The following RGL1 variants were observed in gnomAD, a reference collection of about 807,000 sequenced individuals.
RGL1 encodes the protein ral guanine nucleotide dissociation stimulator like 1.
RGL1 carries 24 observed loss-of-function variants against 95.2 expected under a neutral mutation model. The observed-to-expected ratio is 0.25, with a 90% confidence interval of 0.18 to 0.35. RGL1 has a LOEUF of 0.35. RGL1 is among the 10% of genes least tolerant of loss of function. The probability of loss-of-function intolerance (pLI) is 1.00; values close to 1 mark genes in which losing one functional copy is unlikely to be tolerated. For missense variants in RGL1, 715 were observed against 936.3 expected (o/e 0.76, Z 3.08); for synonymous variants, 329 against 344.9 (o/e 0.95, Z 0.51).
At chr1:183,824,366 T>C (rs1662708838) in intron 2 of RGL1, among the ~76,000 whole-genome samples, 1 of 152,198 alleles carries the variant, frequency 6.6e-6, no homozygotes, top group African/African-American at 2.4e-5. Context: ...CTTGAAGGGC[T>C]AAGTGCTTTC....
chr1:183,720,466 C>A (rs1032081384), intron 1 of RGL1, among the ~76,000 whole-genome samples: 1 of 152,192 alleles, frequency 6.6e-6, no homozygotes, highest in Non-Finnish European at 1.5e-5. Flanking sequence ...GTATATGCAA[C>A]CTATAAGAAC....
chr1:183,744,684 T>C (rs962237871), intron 2 of RGL1, among the ~76,000 whole-genome samples: 1 of 152,222 alleles, frequency 6.6e-6, no homozygotes, highest in African/African-American at 2.4e-5. Context: ...GTACATCTAC[T>C]TCTACAGCTT....
intron 1 of RGL1, among the ~76,000 whole-genome samples, chr1:183,734,694 C>A (rs1327621137): frequency 6.6e-6 from 1 of 152,200 alleles, no homozygotes; most frequent in East Asian, 1.9e-4. Flanking sequence ...GAGCCTGGGA[C>A]AGTCATGTGA....
chr1:183,854,491 A>G (rs1665017545), intron 3 of RGL1, among the ~76,000 whole-genome samples: 1 of 152,168 alleles, frequency 6.6e-6, no homozygotes, highest in South Asian at 2.1e-4. Flanking sequence ...TAACCAGCAA[A>G]ACGGAGCTGC....
chr1:183,813,195 C>T (rs141818419), intron 2 of RGL1, among the ~76,000 whole-genome samples: 27 of 152,106 alleles, frequency 1.8e-4, no homozygotes, highest in Admixed American at 9.8e-4. Context: ...TGAGTGTAGG[C>T]GGGGCACAGG....
intron 1 of RGL1, among the ~76,000 whole-genome samples, chr1:183,674,021 T>C (rs1018958481): frequency 6.6e-5 from 10 of 152,202 alleles, no homozygotes; most frequent in Non-Finnish European, 1.3e-4. Context: ...TTTTCTTGTG[T>C]TTCCAAGTCT....
At chr1:183,820,986 AGCTGG>A (rs1662445191) in intron 2 of RGL1, among the ~76,000 whole-genome samples, 1 of 151,956 alleles carries the variant, frequency 6.6e-6, no homozygotes, top group African/African-American at 2.4e-5. Flanking sequence ...TACAAAAATT[AGCTGG>A]GCGTGGTGGT....
intron 3 of RGL1, among the ~76,000 whole-genome samples, chr1:183,861,474 C>G (rs1036054931): frequency 2.6e-5 from 4 of 152,216 alleles, no homozygotes; most frequent in Admixed American, 6.5e-5. Flanking sequence ...ATAACTGTTT[C>G]TGTTTAAATA....
Position 183,752,889 on chromosome 1 carries a change from A to T in RGL1, c.132+10600A>T, listed in dbSNP as rs80323397. Among the ~76,000 whole-genome samples, 444 of 152,180 alleles carry T rather than the reference A, an allele frequency of 2.9e-3. 4 individuals are homozygous for T. Among genetic ancestry groups the T allele is most frequent in the African/African-American group, 0.01 (427 of 41,542 alleles). ...TAACTTGTATTATTTTGAATGTAAC[A>T]TCTTTTCTCTATAACTGTTTAGATC... On this transcript the variant is annotated intron_variant, in intron 2 of 18. Transcript: ENST00000304685.
At chr1:183,860,715 C>CT (rs1218887824) in intron 3 of RGL1, among the ~76,000 whole-genome samples, 1 of 152,212 alleles carries the variant, frequency 6.6e-6, no homozygotes, top group African/African-American at 2.4e-5. Flanking sequence ...CTCCATTGCA[C>CT]TTTTCACTCT....
At chr1:183,648,600 G>A (rs759685764) in intron 1 of RGL1, 2 of 1,614,182 alleles carry the variant, frequency 1.2e-6, no homozygotes, top group Non-Finnish European at 1.7e-6. Flanking sequence ...TTTTGTTTGA[G>A]GAAATGTTGT....
chr1:183,889,465 G>A (rs1328091059), intron 8 of RGL1, among the ~76,000 whole-genome samples: 2 of 152,178 alleles, frequency 1.3e-5, no homozygotes, highest in Non-Finnish European at 2.9e-5. Flanking sequence ...TGGCTTCCCA[G>A]CCAGGCTGCC....
intron 4 of RGL1, among the ~76,000 whole-genome samples, chr1:183,873,577 C>T (rs548699307): frequency 2.6e-5 from 4 of 152,186 alleles, no homozygotes; most frequent in East Asian, 3.9e-4. Flanking sequence ...ATTGGGATCT[C>T]GGATACTCAA....
chr1:183,904,475 GA>G (rs1234591848), intron 12 of RGL1, among the ~76,000 whole-genome samples: 1 of 152,042 alleles, frequency 6.6e-6, no homozygotes, highest in Admixed American at 6.5e-5. Context: ...TATATTTTAT[GA>G]AGTACTTAAA....
intron 1 of RGL1, among the ~76,000 whole-genome samples, chr1:183,705,458 A>G (rs1433796268): frequency 3.1e-5 from 4 of 128,164 alleles, no homozygotes; most frequent in Non-Finnish European, 3.5e-5. Flanking sequence ...ATACTGAAGG[A>G]GAGTGGATGG....
At chr1:183,813,339 C>T (rs1283012044) in intron 2 of RGL1, among the ~76,000 whole-genome samples, 1 of 152,184 alleles carries the variant, frequency 6.6e-6, no homozygotes, top group East Asian at 1.9e-4. Context: ...TATACACTAG[C>T]AAATGCCTGC....
chr1:183,706,123 AC>A (rs1654897980), intron 1 of RGL1, among the ~76,000 whole-genome samples: 1 of 152,142 alleles, frequency 6.6e-6, no homozygotes. Flanking sequence ...TGCGTTGGGT[AC>A]TATGGGGAAT....
chr1:183,653,422 A>T (rs1650914421), intron 1 of RGL1: 1 of 152,282 alleles, frequency 6.6e-6, no homozygotes, highest in Admixed American at 6.5e-5. Flanking sequence ...AGATGAAAAT[A>T]TACAGGACTG....
At position 183,900,219 on chromosome 1, in the gene RGL1, C is replaced by T. The variant is rs1667937204; in HGVS notation, c.1300C>T (p.Leu434Phe). 4 of 1,613,892 alleles carry T rather than the reference C, an allele frequency of 2.5e-6. No homozygotes were observed. Among genetic ancestry groups the T allele is most frequent in the Non-Finnish European group, 3.4e-6 (4 of 1,179,772 alleles). ...LTDLTMLDTA[L>F]QDYIEGGLIN... ...TGACCTGACCATGCTTGACACTGCC[C>T]TTCAGGACTACATCGAGGTGAGTTC... The change falls in exon 11 of 18, where the codon CTT (leucine) becomes TTT (phenylalanine). Residue 434 changes from leucine (L) to phenylalanine (F), a missense_variant. By Grantham distance (22) the Leu-to-Phe change is conservative (BLOSUM62 0). Transcript: ENST00000360851.
Sources: allele counts gnomAD v4.1 joint callset (sites outside exome capture counted in the v4.1 genomes callset), GRCh38; gene constraint gnomAD v4.1.1; transcripts MANE v1.5; gene names NCBI Gene and HGNC (gene_info 2026-07-23, HGNC 2026-07-21).